Variants in CD180 observed in about 807,000 individuals in gnomAD.
CD180 encodes CD180 molecule, also known as CD180 antigen.
Under a neutral mutation model 10.7 loss-of-function variants are expected in CD180, and 11 were observed. That is an observed-to-expected ratio of 1.03 (90% CI 0.65 to 1.70). The LOEUF (loss-of-function observed/expected upper bound fraction) is 1.70. Ranked by LOEUF, CD180 falls within the 40% of genes most tolerant of loss-of-function variation. The probability of loss-of-function intolerance (pLI) is 0.00; values close to 1 mark genes in which losing one functional copy is unlikely to be tolerated. For synonymous variants in CD180, 286 were observed against 294.6 expected (o/e 0.97, Z 0.30); for missense variants, 729 against 775.2 (o/e 0.94, Z 0.71).
In CD180 at chr5:67,183,685, G is replaced by A. The variant is rs748942883; in HGVS notation, c.1158C>T (p.Asp386=). The change falls in exon 3 of 3, where the codon GAC becomes GAT. Residue 386 remains aspartate, a synonymous_variant. Coordinates refer to ENST00000256447, the MANE Select transcript of CD180 (RefSeq NM_005582.3). Reference sequence around the variant, plus strand: ...GGTTTTTGAGTTGCAGACTGCAGCAGTCAGAAGCCTCTATGTCATTATGGC... The same window carrying A: ...GGTTTTTGAGTTGCAGACTGCAGCAATCAGAAGCCTCTATGTCATTATGGC... ...DLSHNDIEAS[D]CCSLQLKNLS... is the part of the protein sequence containing the mutation. 1 of 1,614,182 alleles carries A rather than the reference G, an allele frequency of 6.2e-7. No homozygotes were observed. The highest frequency in any genetic ancestry group is 1.1e-5 in the South Asian group (1 of 91,078).
At chr5:67,185,257 A>C (rs1278999049) in intron 2 of CD180, among the ~76,000 whole-genome samples, 1 of 143,110 alleles carries the variant, frequency 7.0e-6, no homozygotes, top group African/African-American at 2.7e-5. Context: ...AAGGGTGCAG[A>C]CTGCAGGTAC....
At chr5:67,185,745 C>A in intron 2 of CD180, 106 bp downstream of exon 2, 1 of 711,572 alleles carries the variant, frequency 1.4e-6, no homozygotes, top group Non-Finnish European at 2.2e-6. Flanking sequence ...GTAGTATAAG[C>A]AGATTGTCCC....
chr5:67,183,467 G>T lies in CD180; in HGVS notation c.1376C>A (p.Thr459Asn). 1 of 1,614,220 alleles carries T rather than the reference G, an allele frequency of 6.2e-7. No homozygotes were observed. The highest frequency in any genetic ancestry group is 8.5e-7 in the Non-Finnish European group (1 of 1,180,038). ...VLNLTYCFLD[T>N]SNQHLLAGLP... ...GCCTGCTAGAAGATGCTGATTGCTGGTATCAAGGAAGCAGTAAGTGAGATT... is the reference window on the plus strand; with the variant it reads ...GCCTGCTAGAAGATGCTGATTGCTGTTATCAAGGAAGCAGTAAGTGAGATT... Residue 459 changes from threonine to asparagine, a missense_variant, in exon 3 of 3, where the codon ACC (threonine) becomes AAC (asparagine). By Grantham distance (65) the Thr-to-Asn change is moderately conservative. Transcript: ENST00000256447.
intron 1 of CD180, 87 bp from the exon 2 acceptor site, chr5:67,186,104 C>A (rs939452170): frequency 5.7e-5 from 47 of 824,780 alleles, no homozygotes; most frequent in Non-Finnish European, 2.7e-5. Context: ...ACCTTCCGAG[C>A]GGCAATCGTA....
chr5:67,194,677 T>C (rs768398744), intron 1 of CD180, among the ~76,000 whole-genome samples: 1 of 152,228 alleles, frequency 6.6e-6, no homozygotes, highest in Non-Finnish European at 1.5e-5. Context: ...GTAGTCTCAG[T>C]GGATTGATTT....
At position 67,184,367 on chromosome 5, in the gene CD180, T is replaced by A. The variant is rs766747249; in HGVS notation, c.476A>T (p.Asn159Ile). ...ENLESLYLGS[N>I]HISSIKFPKD... ...GGGGAACTTAATGGAGGAAATATGG[T>A]TGCTTCCAAGATACAAGCTTTCCAA... Residue 159 changes from asparagine (N) to isoleucine (I), a missense_variant, in exon 3 of 3, where the codon AAC (asparagine) becomes ATC (isoleucine). Transcript: ENST00000256447. 1.2e-6 allele frequency: 2 copies of A among 1,614,100 alleles called. No individual in the cohort carries two copies. Among genetic ancestry groups the A allele is most frequent in the Admixed American group, 3.3e-5 (2 of 60,026 alleles).
chr5:67,195,771 T>A (rs539162330), intron 1 of CD180, among the ~76,000 whole-genome samples: 4 of 152,302 alleles, frequency 2.6e-5, no homozygotes. Flanking sequence ...CTTACTCTTC[T>A]TTTTACCTCA....
intron 1 of CD180, among the ~76,000 whole-genome samples, chr5:67,192,303 C>T (rs901971870): frequency 6.6e-6 from 1 of 151,940 alleles, no homozygotes; most frequent in Non-Finnish European, 1.5e-5. Context: ...GGCAGAATGG[C>T]GTGAACCTGG....
chr5:67,182,942 A>C lies in CD180; in HGVS notation c.1901T>G (p.Phe634Cys). The C allele has an allele frequency of 6.2e-7, 1 of 1,614,124 alleles. No homozygotes were observed. Among genetic ancestry groups the C allele is most frequent in the African/African-American group, 1.3e-5 (1 of 75,064 alleles). ...SCGITAIGIF[F>C]LIVFLLLLAI... is the part of the protein sequence containing the mutation. ...CAACAATAATAGAAATACTATGAGA[A>C]AGAAAATGCCTATGGCTGTAATCCC... Residue 634 changes from phenylalanine (F) to cysteine (C), a missense_variant, in exon 3 of 3, where the codon TTT becomes TGT. Physicochemically the swap from Phe to Cys is radical, Grantham distance 205. Transcript: ENST00000256447.
At chr5:67,186,761 A>G (rs1425193923) in intron 1 of CD180, among the ~76,000 whole-genome samples, 1 of 152,100 alleles carries the variant, frequency 6.6e-6, no homozygotes, top group Non-Finnish European at 1.5e-5. Context: ...CTTTAAACTC[A>G]TCAAGATTTT....
rs775715534 is a variant in CD180 at position 67,196,656 on chromosome 5, G to T, written c.-15C>A. 1.2e-6 allele frequency: 2 copies of T among 1,613,750 alleles called. No individual in the cohort carries two copies. The highest frequency in any genetic ancestry group is 1.7e-6 in the Non-Finnish European group (2 of 1,179,884). ...TCAAACGCCATCACAGGCTAGGATT[G>T]CTTGGTGGGTTTACCTAATGCTTGG... On this transcript the variant is annotated 5_prime_UTR_variant, in exon 1 of 3. Coordinates refer to ENST00000256447, the MANE Select transcript of CD180 (RefSeq NM_005582.3).
chr5:67,188,748 ACATGCT>A (rs1742248418), intron 1 of CD180, among the ~76,000 whole-genome samples: 1 of 131,364 alleles, frequency 7.6e-6, no homozygotes, highest in African/African-American at 4.1e-5. Context: ...GTAGCCACAG[ACATGCT>A]CATCTGCAGA....
chr5:67,188,824 T>A (rs1742250241), intron 1 of CD180, among the ~76,000 whole-genome samples: 1 of 152,234 alleles, frequency 6.6e-6, no homozygotes. Context: ...TGAAAATGCT[T>A]TATTTATATG....
rs903820409 is a variant in CD180 at position 67,193,467 on chromosome 5, C to T, written c.90+3085G>A. On this transcript the variant is annotated intron_variant, in intron 1 of 2. Transcript: ENST00000256447. ...TTCCATTTTTCTTTGCATCCCCCAG[C>T]TCCCTCCCTAGTATCCACACAGTAG... is the stretch of plus-strand genomic sequence containing the variant. Among the ~76,000 whole-genome samples, 3 of 152,192 alleles carry T rather than the reference C, an allele frequency of 2.0e-5. 1 individual carries two copies. Among genetic ancestry groups the T allele is most frequent in the Admixed American group, 1.3e-4 (2 of 15,276 alleles).
In CD180 at chr5:67,196,706, G is replaced by A; in HGVS notation, c.-65C>T. 1.3e-6 allele frequency: 2 copies of A among 1,581,874 alleles called. No homozygotes were observed. Among genetic ancestry groups the A allele is most frequent in the Non-Finnish European group, 1.7e-6 (2 of 1,159,890 alleles). ...GAGCTGAGAAATGGAATCAAACTGT[G>A]AAGGCCCTGGCAATTTGGCAGCCAG... On this transcript the variant is annotated 5_prime_UTR_variant, in exon 1 of 3. Coordinates refer to ENST00000256447, the MANE Select transcript of CD180 (RefSeq NM_005582.3).
rs369216187 is a variant in CD180 at position 67,187,344 on chromosome 5, AGCAGGGTG to A, written c.91-1335_91-1328del. ...TCTTAACACAGTGCTTAAAAAAACT[AGCAGGGTG>A]GCATAGACCTGAGGCCTTGCAATCT... On this transcript the variant is annotated intron_variant, in intron 1 of 2. Transcript: ENST00000256447. 3.2e-4 allele frequency among the ~76,000 whole-genome samples: 48 copies of A among 152,332 alleles called. No individual in the cohort carries two copies. In the South Asian group the frequency reaches 8.7e-3, roughly 28 times the overall value.
At chr5:67,192,696 C>T (rs896894741) in intron 1 of CD180, among the ~76,000 whole-genome samples, 5 of 152,052 alleles carry the variant, frequency 3.3e-5, no homozygotes, top group Non-Finnish European at 7.4e-5. Flanking sequence ...GAGCTGCCCC[C>T]ACACGCCTCC....
intron 1 of CD180, among the ~76,000 whole-genome samples, chr5:67,195,356 A>C (rs1235863084): frequency 6.6e-6 from 1 of 152,156 alleles, no homozygotes; most frequent in East Asian, 1.9e-4. Context: ...AGTTGGGATT[A>C]CAGGCATGTG....
Position 67,180,184 on chromosome 5 carries a change from G to A in CD180, c.*2673C>T, listed in dbSNP as rs537217489. On this transcript the variant is annotated 3_prime_UTR_variant, in exon 3 of 3. Transcript: ENST00000256447. ...AAGGGAGCGGGCCTGAGAAGTGAAA[G>A]CAGGATGGGCAATTATGCTTTGCTA... The A allele has an allele frequency of 2.0e-5, 3 of 152,360 alleles. No homozygotes were observed. The East Asian group carries it at 5.8e-4, about 29-fold the overall frequency. The allele number at this position is 152,360 out of a possible 1,614,324, so 9.4% of individuals were successfully genotyped here. A position where few individuals can be genotyped will look rare whatever the true frequency, so the allele number is the denominator to read the frequency against.
Sources: gnomAD v4.1 joint callset for allele counts (sites outside exome capture counted in the v4.1 genomes callset) on GRCh38, gnomAD v4.1.1 for gene constraint, MANE v1.5 for transcripts, NCBI Gene and HGNC (gene_info 2026-07-23, HGNC 2026-07-21) for gene names.